C12orf54: variants seen among roughly 807,000 people sequenced by gnomAD.
The protein encoded by C12orf54 is uncharacterized protein C12orf54.
Under a neutral mutation model 26.4 loss-of-function variants are expected in C12orf54, and 24 were observed. The ratio of observed to expected loss-of-function variants is 0.91; its 90% CI spans 0.66 to 1.28. C12orf54 has a LOEUF of 1.28. C12orf54 is among the 50% of genes most tolerant of loss of function. The pLI is 0.00. For missense variants in C12orf54, 154 were observed against 150.9 expected (o/e 1.02, Z -0.11); for synonymous variants, 54 against 47.0 (o/e 1.15, Z -0.61).
rs1937913690 is a variant in C12orf54, at chr12:48,496,484, G to A, written c.*344G>A. 1 of 152,618 alleles carries A rather than the reference G, an allele frequency of 6.6e-6. No individual in the cohort carries two copies. Among genetic ancestry groups the A allele is most frequent in the Non-Finnish European group, 1.5e-5 (1 of 68,040 alleles). 9.5% of individuals were successfully genotyped at this position (152,618 alleles called of 1,614,324 possible). On this transcript the variant is annotated 3_prime_UTR_variant, in exon 9 of 9. Coordinates refer to ENST00000548364, the MANE Select transcript of C12orf54 (RefSeq NM_152319.4). Reference sequence around the variant, plus strand: ...TTCAAAGAACAGCACTGTAGCATGGGAGAACCTGCACTATAATGTCATAAA... The same window carrying A: ...TTCAAAGAACAGCACTGTAGCATGGAAGAACCTGCACTATAATGTCATAAA...
At chr12:48,429,359 G>T in the C12orf54 span, among the ~76,000 whole-genome samples, 1 of 152,098 alleles carries the variant, frequency 6.6e-6, no homozygotes, top group Non-Finnish European at 1.5e-5. Flanking sequence ...ATCCAAATCA[G>T]TAAAGAGGGA....
upstream of C12orf54, among the ~76,000 whole-genome samples, chr12:48,478,089 C>T (rs890724415): frequency 6.6e-6 from 1 of 152,108 alleles, no homozygotes; most frequent in Non-Finnish European, 1.5e-5. Flanking sequence ...AAGGCTGGTT[C>T]AACATACACA....
At chr12:48,444,281 A>G in the C12orf54 span, among the ~76,000 whole-genome samples, 2 of 152,228 alleles carry the variant, frequency 1.3e-5, no homozygotes, top group Non-Finnish European at 2.9e-5. Flanking sequence ...CTTTTTGAGA[A>G]CATCACATCA....
chr12:48,493,944 T>A (rs947802105), intron 7 of C12orf54, among the ~76,000 whole-genome samples: 1 of 150,938 alleles, frequency 6.6e-6, no homozygotes, highest in Admixed American at 6.6e-5. Flanking sequence ...TTAGGCCAGG[T>A]GCGGTGGCTC....
At chr12:48,434,233 C>T in the C12orf54 span, among the ~76,000 whole-genome samples, 3 of 152,180 alleles carry the variant, frequency 2.0e-5, no homozygotes, top group Admixed American at 2.0e-4. Context: ...CCGCCATTGC[C>T]CAGGGTTGAG....
At chr12:48,473,410 C>A in the C12orf54 span, 106,063 of 748,508 alleles carry the variant, frequency 0.14, 15,629 homozygotes, top group East Asian at 0.64. Flanking sequence ...GAAGACGATG[C>A]CTAAGTGGAA....
the C12orf54 span, among the ~76,000 whole-genome samples, chr12:48,413,976 G>A: frequency 6.6e-6 from 1 of 152,142 alleles, no homozygotes; most frequent in Non-Finnish European, 1.5e-5. Flanking sequence ...TCCCCATCTA[G>A]CAACTATGGC....
the C12orf54 span, among the ~76,000 whole-genome samples, chr12:48,441,770 C>A: frequency 6.6e-6 from 1 of 152,192 alleles, no homozygotes; most frequent in Non-Finnish European, 1.5e-5. Flanking sequence ...TATCCATCTT[C>A]TTCTGACTAG....
chr12:48,432,020 T>TA, the C12orf54 span, among the ~76,000 whole-genome samples: 2 of 152,122 alleles, frequency 1.3e-5, no homozygotes, highest in Admixed American at 6.6e-5. Flanking sequence ...GTGAATGCAA[T>TA]AAAAAAATTA....
upstream of C12orf54, among the ~76,000 whole-genome samples, chr12:48,478,566 C>A (rs1215482639): frequency 2.0e-5 from 3 of 152,118 alleles, no homozygotes; most frequent in Non-Finnish European, 2.9e-5. Flanking sequence ...GATACAAAAT[C>A]AATGTACAAA....
At chr12:48,477,151 G>A in the C12orf54 span, among the ~76,000 whole-genome samples, 1 of 152,172 alleles carries the variant, frequency 6.6e-6, no homozygotes, top group Admixed American at 6.5e-5. Context: ...TGACTACTGG[G>A]TAAATAATGA....
At chr12:48,429,964 G>A in the C12orf54 span, among the ~76,000 whole-genome samples, 1 of 152,150 alleles carries the variant, frequency 6.6e-6, no homozygotes, top group Non-Finnish European at 1.5e-5. Flanking sequence ...TACAAAAATA[G>A]GCACATAGAC....
At chr12:48,466,169 C>T in the C12orf54 span, among the ~76,000 whole-genome samples, 13 of 152,058 alleles carry the variant, frequency 8.5e-5, no homozygotes, top group South Asian at 2.3e-3. Context: ...AAACAAACAC[C>T]CAAAACTTAA....
the C12orf54 span, among the ~76,000 whole-genome samples, chr12:48,440,809 T>C: frequency 6.6e-6 from 1 of 152,244 alleles, no homozygotes; most frequent in African/African-American, 2.4e-5. Flanking sequence ...TCTATTGTGG[T>C]ACCAATATTT....
the C12orf54 span, among the ~76,000 whole-genome samples, chr12:48,422,605 T>C: frequency 3.3e-5 from 5 of 152,170 alleles, no homozygotes; most frequent in African/African-American, 1.2e-4. Flanking sequence ...CAGGAAAACA[T>C]ACTCATTCAC....
the C12orf54 span, among the ~76,000 whole-genome samples, chr12:48,432,064 C>T: frequency 6.6e-6 from 1 of 152,046 alleles, no homozygotes; most frequent in Admixed American, 6.6e-5. Flanking sequence ...ATAGGAAATT[C>T]CTAAGTTAAA....
At chr12:48,432,870 CAA>C in the C12orf54 span, among the ~76,000 whole-genome samples, 3 of 115,168 alleles carry the variant, frequency 2.6e-5, no homozygotes, top group Non-Finnish European at 1.7e-5. Context: ...ACTTTTTCTA[CAA>C]AAAAAAAAAA....
chr12:48,451,660 A>G, the C12orf54 span, among the ~76,000 whole-genome samples: 1 of 152,242 alleles, frequency 6.6e-6, no homozygotes, highest in African/African-American at 2.4e-5. Context: ...ATACAAAGTT[A>G]ATGTGCAAAA....
At chr12:48,467,659 G>A in the C12orf54 span, among the ~76,000 whole-genome samples, 1 of 151,930 alleles carries the variant, frequency 6.6e-6, no homozygotes, top group East Asian at 1.9e-4. Flanking sequence ...TGGCAGAGAG[G>A]GCTAAGATGA....
Sources: gnomAD v4.1 joint callset for allele counts (sites outside exome capture counted in the v4.1 genomes callset) on GRCh38, gnomAD v4.1.1 for gene constraint, MANE v1.5 for transcripts, NCBI Gene and HGNC (gene_info 2026-07-23, HGNC 2026-07-21) for gene names.